The following BABAM2 variants were observed in gnomAD, a reference collection of about 807,000 sequenced individuals.
BABAM2 encodes the protein BRISC and BRCA1 A complex member 2, also known as BRISC and BRCA1-A complex member 2.
A neutral mutation model predicts 54.7 loss-of-function variants in BABAM2; 31 were observed. The ratio of observed to expected loss-of-function variants is 0.57; its 90% confidence interval spans 0.43 to 0.77. The LOEUF (loss-of-function observed/expected upper bound fraction) is 0.77. BABAM2 is among the 30% of genes least tolerant of loss of function. The pLI is 0.00. For missense variants in BABAM2, 364 were observed against 455.8 expected (o/e 0.80, Z 1.83); for synonymous variants, 167 against 162.9 (o/e 1.03, Z -0.19).
At chr2:28,114,687 T>G (rs142650096) in intron 6 of BABAM2, among the ~76,000 whole-genome samples, 1 of 152,322 alleles carries the variant, frequency 6.6e-6, no homozygotes, top group East Asian at 1.9e-4. Context: ...TGGCTCTAGT[T>G]TTAGGAGATC....
intron 6 of BABAM2, among the ~76,000 whole-genome samples, chr2:28,125,292 T>C (rs1669414138): frequency 6.6e-6 from 1 of 151,908 alleles, no homozygotes; most frequent in Admixed American, 6.6e-5. Flanking sequence ...TTATTTTATT[T>C]TATTATTATT....
chr2:27,973,347 C>A (rs543107463), intron 3 of BABAM2, among the ~76,000 whole-genome samples: 1 of 152,166 alleles, frequency 6.6e-6, no homozygotes, highest in Non-Finnish European at 1.5e-5. Flanking sequence ...TGGCACTATG[C>A]ACTGGGCAAG....
intron 3 of BABAM2, among the ~76,000 whole-genome samples, chr2:27,937,397 A>C (rs1276170013): frequency 6.6e-6 from 1 of 152,212 alleles, no homozygotes; most frequent in Non-Finnish European, 1.5e-5. Flanking sequence ...AAGTGCTGGG[A>C]TTACAGGCAT....
intron 6 of BABAM2, among the ~76,000 whole-genome samples, chr2:28,119,013 G>A (rs1336099487): frequency 6.6e-6 from 1 of 152,148 alleles, no homozygotes; most frequent in African/African-American, 2.4e-5. Context: ...TGTCAGGTTT[G>A]TCGAAGATCA....
At position 28,230,814 on chromosome 2, in the gene BABAM2, A is replaced by AC. The variant is rs1553345099; in HGVS notation, c.681-6388_681-6387insC. ...TTCTGGGTTTTCAGAACTATGAATG[A>AC]TTTTTTTTTAGTCCCACCAGGTTAC... On this transcript the variant is annotated intron_variant, in intron 7 of 11. Coordinates refer to ENST00000379624, the MANE Select transcript of BABAM2 (RefSeq NM_199191.3). Among the ~76,000 whole-genome samples, 23 of 151,040 alleles carry AC rather than the reference A, an allele frequency of 1.5e-4. No individual in the cohort carries two copies. The East Asian group carries it at 3.5e-3, about 23-fold the overall frequency.
intron 10 of BABAM2, among the ~76,000 whole-genome samples, chr2:28,253,689 G>C (rs1683700719): frequency 6.6e-6 from 1 of 152,210 alleles, no homozygotes; most frequent in Non-Finnish European, 1.5e-5. Flanking sequence ...AGCCTTTAGA[G>C]CTTCACGGAA....
Position 28,169,565 on chromosome 2 carries a change from C to T in BABAM2, c.680+40185C>T, listed in dbSNP as rs982152771. Among the ~76,000 whole-genome samples, 6 of 151,928 alleles carry T rather than the reference C, an allele frequency of 3.9e-5. No individual in the cohort carries two copies. In the East Asian group the frequency reaches 1.2e-3, roughly 29 times the overall value. ...GCCAAGCTGGGAGGATCACTTGACC[C>T]CAGGAGTTCGAGACCAGCCTGGGCA... On this transcript the variant is annotated intron_variant, in intron 7 of 11. Coordinates refer to ENST00000379624, the MANE Select transcript of BABAM2 (RefSeq NM_199191.3).
chr2:28,221,808 A>G (rs1418363369), intron 7 of BABAM2, among the ~76,000 whole-genome samples: 1 of 152,142 alleles, frequency 6.6e-6, no homozygotes, highest in African/African-American at 2.4e-5. Flanking sequence ...AATATGCCCA[A>G]TCTCTGTTTC....
At chr2:28,209,093 C>T (rs1436009797) in intron 7 of BABAM2, among the ~76,000 whole-genome samples, 1 of 152,154 alleles carries the variant, frequency 6.6e-6, no homozygotes, top group Non-Finnish European at 1.5e-5. Context: ...AACAATACAA[C>T]TTTTGATATT....
chr2:27,900,430 CCTTA>C (rs1157523683), intron 2 of BABAM2, among the ~76,000 whole-genome samples: 2 of 151,394 alleles, frequency 1.3e-5, no homozygotes, highest in Non-Finnish European at 2.9e-5. Flanking sequence ...GATTTTTCTA[CCTTA>C]CTTAATAAGA....
At chr2:28,267,676 C>G (rs889005952) in intron 10 of BABAM2, among the ~76,000 whole-genome samples, 1 of 152,222 alleles carries the variant, frequency 6.6e-6, no homozygotes, top group Non-Finnish European at 1.5e-5. Context: ...CCTATGGCCT[C>G]AGCATCCTCC....
At chr2:28,083,077 T>TA (rs1665321674) in intron 6 of BABAM2, among the ~76,000 whole-genome samples, 1 of 152,208 alleles carries the variant, frequency 6.6e-6, no homozygotes, top group Non-Finnish European at 1.5e-5. Context: ...TTCAGCCTGT[T>TA]AGAGTCTTTC....
chr2:27,966,900 A>G (rs1466903682), intron 3 of BABAM2, among the ~76,000 whole-genome samples: 1 of 152,202 alleles, frequency 6.6e-6, no homozygotes, highest in African/African-American at 2.4e-5. Context: ...TAGGATAGAA[A>G]TAGAAATACC....
intron 6 of BABAM2, among the ~76,000 whole-genome samples, chr2:28,065,956 C>T (rs1041464300): frequency 3.6e-5 from 5 of 138,300 alleles, no homozygotes; most frequent in Admixed American, 1.5e-4. Flanking sequence ...GCCTGGCCAA[C>T]GTGGTGAAAC....
chr2:27,921,460 A>G (rs1400597840), intron 2 of BABAM2, among the ~76,000 whole-genome samples: 1 of 152,142 alleles, frequency 6.6e-6, no homozygotes, highest in Non-Finnish European at 1.5e-5. Context: ...CACTAATCAT[A>G]AGATATTAAT....
chr2:28,009,662 A>G (rs1231562160), intron 4 of BABAM2, among the ~76,000 whole-genome samples: 2 of 152,168 alleles, frequency 1.3e-5, no homozygotes, highest in African/African-American at 4.8e-5. Flanking sequence ...CAGTTTTGAA[A>G]GAACTGGTGA....
intron 10 of BABAM2, among the ~76,000 whole-genome samples, chr2:28,266,347 A>G (rs890019816): frequency 3.9e-5 from 6 of 152,186 alleles, no homozygotes; most frequent in Admixed American, 2.0e-4. Flanking sequence ...ACCTGCAGCA[A>G]GTGCTTTTGA....
chr2:28,201,348 C>T (rs1361407977), intron 7 of BABAM2, among the ~76,000 whole-genome samples: 1 of 152,100 alleles, frequency 6.6e-6, no homozygotes, highest in African/African-American at 2.4e-5. Flanking sequence ...TACCATATGG[C>T]TAATGTGGAC....
chr2:28,328,979 A>G (rs1558535289), intron 11 of BABAM2, among the ~76,000 whole-genome samples: 2 of 152,218 alleles, frequency 1.3e-5, no homozygotes, highest in African/African-American at 4.8e-5. Flanking sequence ...GAAAAGATCT[A>G]TTGAATCAAT....
Sources: gnomAD v4.1 joint callset for allele counts (sites outside exome capture counted in the v4.1 genomes callset) on GRCh38, gnomAD v4.1.1 for gene constraint, MANE v1.5 for transcripts, NCBI Gene and HGNC (gene_info 2026-07-23, HGNC 2026-07-21) for gene names.